The following EFCAB8 variants were observed in gnomAD, a reference collection of about 807,000 sequenced individuals.
The protein encoded by EFCAB8 is EF-hand calcium-binding domain-containing protein 8.
A neutral mutation model predicts 116.3 loss-of-function variants in EFCAB8; 100 were observed. That is an observed-to-expected ratio of 0.86 (90% CI 0.73 to 1.02). The LOEUF (loss-of-function observed/expected upper bound fraction) is 1.02. EFCAB8 is among the 50% of genes least tolerant of loss of function. The pLI is 0.00. For missense variants in EFCAB8, 1,320 were observed against 1,416.9 expected (o/e 0.93, Z 1.10); for synonymous variants, 558 against 567.9 (o/e 0.98, Z 0.25).
intron 11 of EFCAB8, among the ~76,000 whole-genome samples, chr20:32,904,291 C>T (rs1309805993): frequency 6.8e-6 from 1 of 147,708 alleles, no homozygotes; most frequent in Non-Finnish European, 1.5e-5. Context: ...CTGTGTCTGG[C>T]CTGAATAGAG....
At chr20:32,867,845 T>A in intron 3 of EFCAB8, 98 bp downstream of exon 3, 2 of 1,355,354 alleles carry the variant, frequency 1.5e-6, no homozygotes, top group South Asian at 1.5e-5. Flanking sequence ...AATAAGCATT[T>A]TTTTTTTGTT....
intron 8 of EFCAB8, among the ~76,000 whole-genome samples, chr20:32,892,838 T>C (rs1321403398): frequency 2.0e-5 from 3 of 150,016 alleles, no homozygotes; most frequent in Non-Finnish European, 3.0e-5. Context: ...CCTCTTTTTT[T>C]TTTTTTTTTC....
intron 22 of EFCAB8, among the ~76,000 whole-genome samples, chr20:32,933,236 C>T (rs148669052): frequency 2.0e-5 from 3 of 152,262 alleles, no homozygotes; most frequent in Non-Finnish European, 4.4e-5. Context: ...TGACCATCTG[C>T]TCTTAGTTTT....
chr20:32,908,275 A>C lies in EFCAB8; in HGVS notation c.1309A>C (p.Asn437His), dbSNP rs779446693. 1 of 1,249,624 alleles carries C rather than the reference A, an allele frequency of 8.0e-7. No individual in the cohort carries two copies. Among genetic ancestry groups the C allele is most frequent in the Non-Finnish European group, 1.0e-6 (1 of 988,222 alleles). The allele number at this position is 1,249,624 out of a possible 1,614,324, so 77.4% of individuals were successfully genotyped here. ...SILISVSKDK[N>H]IRVWDMLDYI... ...GTCTTGCCTTTTTCCCATCCCCCAG[A>C]ATATTCGCGTGTGGGACATGCTGGA... The change falls in exon 14 of 27, where the codon AAT (asparagine) becomes CAT (histidine). Residue 437 changes from asparagine (N) to histidine (H), a missense_variant and splice_region_variant. Physicochemically the swap from Asn to His is moderately conservative, Grantham distance 68. Coordinates refer to ENST00000400522, the MANE Select transcript of EFCAB8 (RefSeq NM_001143967.2).
rs141379609 is a variant in EFCAB8, at chr20:32,881,446, T to G, written c.431+2639T>G. On this transcript the variant is annotated intron_variant, in intron 5 of 26. Coordinates refer to ENST00000400522, the MANE Select transcript of EFCAB8 (RefSeq NM_001143967.2). ...TCCTGACCTCAAGTGATCCATCCACTTCGGCCTCCCAAAGTGTTGGGATTA... is the reference window on the plus strand; with the variant it reads ...TCCTGACCTCAAGTGATCCATCCACGTCGGCCTCCCAAAGTGTTGGGATTA... Among the ~76,000 whole-genome samples, 45 of 152,264 alleles carry G rather than the reference T, an allele frequency of 3.0e-4. No homozygotes were observed. The East Asian group carries it at 8.3e-3, about 28-fold the overall frequency.
At chr20:32,922,163 T>C (rs1486870299) in intron 20 of EFCAB8, among the ~76,000 whole-genome samples, 1 of 152,172 alleles carries the variant, frequency 6.6e-6, no homozygotes, top group African/African-American at 2.4e-5. Flanking sequence ...CACTGCTGCA[T>C]AACTTGGATG....
chr20:32,882,847 C>G (rs1019332202), intron 5 of EFCAB8, among the ~76,000 whole-genome samples: 5 of 152,274 alleles, frequency 3.3e-5, no homozygotes, highest in African/African-American at 1.2e-4. Flanking sequence ...AGGCGCCCAC[C>G]ACCATGCCCA....
chr20:32,902,877 C>T (rs771621055), intron 11 of EFCAB8, among the ~76,000 whole-genome samples: 2 of 152,158 alleles, frequency 1.3e-5, no homozygotes, highest in Non-Finnish European at 2.9e-5. Flanking sequence ...TCTGACGGAG[C>T]GGGTGTGGTA....
intron 1 of EFCAB8, among the ~76,000 whole-genome samples, chr20:32,863,299 G>A (rs186011913): frequency 1.3e-5 from 2 of 152,274 alleles, no homozygotes; most frequent in Admixed American, 1.3e-4. Flanking sequence ...TCCCAGAGCA[G>A]AGCTCTGTTC....
chr20:32,911,822 G>T, intron 16 of EFCAB8, 115 bp downstream of exon 16: 1 of 1,081,882 alleles, frequency 9.2e-7, no homozygotes, highest in Non-Finnish European at 1.4e-6. Flanking sequence ...GTTCATCATA[G>T]TCAGGTGGCC....
rs367891283 is a variant in EFCAB8 at position 32,917,100 on chromosome 20, T to C, written c.1857-201T>C. 168 of 583,598 alleles carry C rather than the reference T, an allele frequency of 2.9e-4. 7 individuals are homozygous for C. In the South Asian group the frequency reaches 3.5e-3, roughly 12 times the overall value. The allele number at this position is 583,598 out of a possible 1,614,324, so 36.2% of individuals were successfully genotyped here. A position where few individuals can be genotyped will look rare whatever the true frequency, so the allele number is the denominator to read the frequency against. ...GTAAGATTAGTTTATGTAAAGCCCCTACAACAGGGCCTTTGTAGAAAGCAT... is the reference window on the plus strand; with the variant it reads ...GTAAGATTAGTTTATGTAAAGCCCCCACAACAGGGCCTTTGTAGAAAGCAT... On this transcript the variant is annotated intron_variant, in intron 17 of 26. Transcript: ENST00000400522.
At chr20:32,895,822 C>T (rs1002536319) in intron 9 of EFCAB8, among the ~76,000 whole-genome samples, 1 of 152,026 alleles carries the variant, frequency 6.6e-6, no homozygotes, top group African/African-American at 2.4e-5. Flanking sequence ...CTGCCCGTCT[C>T]GCCCTCCCAA....
intron 23 of EFCAB8, among the ~76,000 whole-genome samples, chr20:32,946,033 T>G (rs1327958068): frequency 6.6e-6 from 1 of 152,204 alleles, no homozygotes. Context: ...AAGGCTAACA[T>G]TGGATATGTA....
intron 9 of EFCAB8, among the ~76,000 whole-genome samples, chr20:32,895,481 A>C (rs1160665861): frequency 6.8e-6 from 1 of 147,822 alleles, no homozygotes; most frequent in Non-Finnish European, 1.5e-5. Flanking sequence ...CGCCACCACC[A>C]CTTCTGGCTA....
Position 32,959,842 on chromosome 20 carries a change from C to G in EFCAB8, c.3154C>G (p.Leu1052Val), listed in dbSNP as rs1271843197. 1.3e-6 allele frequency: 2 copies of G among 1,547,692 alleles called. No homozygotes were observed. Among genetic ancestry groups the G allele is most frequent in the African/African-American group, 1.4e-5 (1 of 73,116 alleles). Residue 1052 changes from leucine (L) to valine (V), a missense_variant, in exon 25 of 27, where the codon CTC (leucine) becomes GTC (valine). Transcript: ENST00000400522. Reference protein sequence around the residue: ...QRREQAALMALLHGKADKEAD... With the variant: ...QRREQAALMAVLHGKADKEAD... ...GCGAGAGCAGGCGGCGCTGATGGCT[C>G]TCCTGCATGGGAAGGCAGATAAGGA...
intron 3 of EFCAB8, among the ~76,000 whole-genome samples, chr20:32,868,084 G>A (rs1384618671): frequency 6.6e-6 from 1 of 152,012 alleles, no homozygotes; most frequent in Non-Finnish European, 1.5e-5. Flanking sequence ...GCTATTAAAA[G>A]TAATGGCAGA....
chr20:32,911,546 G>C lies in EFCAB8; in HGVS notation c.1624G>C (p.Glu542Gln). 5 of 1,534,358 alleles carry C rather than the reference G, an allele frequency of 3.3e-6. No homozygotes were observed. The highest frequency in any genetic ancestry group is 2.0e-5 in the Admixed American group (1 of 50,124). ...GGTCGTGACGGGCAGGAAGACGATG[G>C]AGTTTGCTGTGTCTGGGGGCCAGCA... ...WEVVTGRKTM[E>Q]FAVSGGQHVE... The change falls in exon 16 of 27, where the codon GAG (glutamate) becomes CAG (glutamine). Residue 542 changes from glutamate to glutamine, a missense_variant. By Grantham distance (29) the Glu-to-Gln change is conservative. Coordinates refer to ENST00000400522, the MANE Select transcript of EFCAB8 (RefSeq NM_001143967.2).
rs557219977 is a variant in EFCAB8 at position 32,917,435 on chromosome 20, A to G, written c.1991A>G (p.Asn664Ser). Residue 664 changes from asparagine (N) to serine (S), a missense_variant, in exon 18 of 27, where the codon AAC (asparagine) becomes AGC (serine). Physicochemically the swap from Asn to Ser is conservative, Grantham distance 46 (BLOSUM62 1). Coordinates refer to ENST00000400522, the MANE Select transcript of EFCAB8 (RefSeq NM_001143967.2). ...SSYSGDILFW[N>S]TGTLKPIFNF... ...TACAGTGGGGACATCCTCTTCTGGAACACCGGCACACTCAAGCCCATCTTC... is the reference window on the plus strand; with the variant it reads ...TACAGTGGGGACATCCTCTTCTGGAGCACCGGCACACTCAAGCCCATCTTC... The G allele has an allele frequency of 1.9e-6, 3 of 1,552,144 alleles. No homozygotes were observed. The African/African-American group carries it at 4.1e-5, about 21-fold the overall frequency.
chr20:32,893,921 G>A (rs372872169), intron 9 of EFCAB8, among the ~76,000 whole-genome samples: 58 of 152,290 alleles, frequency 3.8e-4, no homozygotes, highest in African/African-American at 1.1e-3. Context: ...ACCTGTACAC[G>A]CCCCTGCCTG....
Sources: allele counts gnomAD v4.1 joint callset (sites outside exome capture counted in the v4.1 genomes callset), GRCh38; gene constraint gnomAD v4.1.1; transcripts MANE v1.5; gene names NCBI Gene and HGNC (gene_info 2026-07-23, HGNC 2026-07-21).